Variants in FGD4 observed in about 807,000 individuals in gnomAD.
FGD4 encodes the protein FYVE, RhoGEF and PH domain-containing protein 4.
In FGD4, 42 loss-of-function variants were observed where a neutral mutation model predicts 102.0. The observed-to-expected ratio is 0.41, with a 90% CI of 0.32 to 0.53. The LOEUF (loss-of-function observed/expected upper bound fraction) is 0.53. FGD4 is among the 20% of genes least tolerant of loss of function. The pLI is 0.21. For synonymous variants in FGD4, 380 were observed against 375.7 expected, an observed-to-expected ratio of 1.01 and a Z score of -0.13; for missense variants, 902 against 1,078.2, an observed-to-expected ratio of 0.84 and a Z score of 2.29.
At chr12:32,619,564 A>G (rs1179650084) in intron 10 of FGD4, 134 bp from the exon 11 acceptor site, 4 of 961,148 alleles carry the variant, frequency 4.2e-6, no homozygotes, top group African/African-American at 3.2e-5. Context: ...CCCGGGAGGC[A>G]GAGCTTACAA....
At chr12:32,532,219 T>G (rs780100236) in intron 1 of FGD4, among the ~76,000 whole-genome samples, 1 of 152,208 alleles carries the variant, frequency 6.6e-6, no homozygotes, top group Non-Finnish European at 1.5e-5. Context: ...AACAATATAC[T>G]GTAATAAAGA....
intron 2 of FGD4, among the ~76,000 whole-genome samples, chr12:32,569,957 G>A (rs1447776468): frequency 6.6e-6 from 1 of 151,936 alleles, no homozygotes; most frequent in South Asian, 2.1e-4. Flanking sequence ...TAAAATTCTG[G>A]TCAAGCTGGG....
chr12:32,564,410 T>C, intron 2 of FGD4, 121 bp downstream of exon 2: 1 of 1,243,620 alleles, frequency 8.0e-7, no homozygotes, highest in Non-Finnish European at 1.1e-6. Context: ...GGGTACATTA[T>C]TTTTTAGAGA....
At chr12:32,449,934 A>T (rs760775083) in intron 1 of FGD4, among the ~76,000 whole-genome samples, 22 of 150,518 alleles carry the variant, frequency 1.5e-4, no homozygotes, top group Non-Finnish European at 2.5e-4. Context: ...TTTTTATTTT[A>T]TTTATTTTAT....
At chr12:32,473,749 G>A (rs922079279) in intron 1 of FGD4, among the ~76,000 whole-genome samples, 1 of 152,130 alleles carries the variant, frequency 6.6e-6, no homozygotes, top group East Asian at 1.9e-4. Flanking sequence ...TAATGGTAAG[G>A]CAGGGACAGG....
chr12:32,420,216 G>C (rs534887612), intron 1 of FGD4, among the ~76,000 whole-genome samples: 2 of 152,224 alleles, frequency 1.3e-5, no homozygotes, highest in East Asian at 3.9e-4. Flanking sequence ...GTATTTTGGG[G>C]TATTGTTTTC....
chr12:32,564,219 T>C lies in FGD4; in HGVS notation c.249T>C (p.Ser83=). 1 of 1,536,118 alleles carries C rather than the reference T, an allele frequency of 6.5e-7. No homozygotes were observed. The highest frequency in any genetic ancestry group is 8.7e-7 in the Non-Finnish European group (1 of 1,146,900). The change falls in exon 2 of 17, where the codon TCT becomes TCC. Residue 83 remains serine (S), a synonymous_variant. Coordinates refer to ENST00000534526, the MANE Select transcript of FGD4 (RefSeq NM_001370298.3). ...STTTLVGENV[S]EEEAQGINGN... ...CCACACTGGTTGGTGAGAATGTATC[T>C]GAAGAAGAGGCTCAGGGAATAAATG...
At position 32,633,678 on chromosome 12, in the gene FGD4, G is replaced by T. The variant is rs1341048943; in HGVS notation, c.2302G>T (p.Gly768Ter). 1.3e-6 allele frequency: 2 copies of T among 1,598,870 alleles called. No homozygotes were observed. The highest frequency in any genetic ancestry group is 1.7e-6 in the Non-Finnish European group (2 of 1,166,924). ...FTDSEEKKRKGILEIESAEVS... is the reference protein window; with the variant it reads ...FTDSEEKKRK ...AGACAGTGAAGAAAAGAAAAGAAAAGGAATTTTAGAGGTAAGAAATATTAA... is the reference window on the plus strand; with the variant it reads ...AGACAGTGAAGAAAAGAAAAGAAAATGAATTTTAGAGGTAAGAAATATTAA... The change falls in exon 15 of 17, where the codon GGA becomes TGA. Residue 768 changes from glycine (G) to a stop codon, truncating the protein, a stop_gained. Transcript: ENST00000534526. LOFTEE classifies it high-confidence loss of function.
At chr12:32,554,488 G>A (rs541838314) in intron 1 of FGD4, among the ~76,000 whole-genome samples, 1 of 152,300 alleles carries the variant, frequency 6.6e-6, no homozygotes, top group South Asian at 2.1e-4. Flanking sequence ...AATACATATT[G>A]AGCATCTACC....
intron 1 of FGD4, chr12:32,477,287 C>CAA (rs754686282): frequency 0.089 from 10,840 of 121,442 alleles, 494 homozygotes; most frequent in Non-Finnish European, 0.13. Context: ...GACTCCGTCT[C>CAA]AAAAAAAAAA....
At chr12:32,518,757 A>T (rs1940169148) in intron 1 of FGD4, among the ~76,000 whole-genome samples, 1 of 152,054 alleles carries the variant, frequency 6.6e-6, no homozygotes, top group African/African-American at 2.4e-5. Flanking sequence ...TAAGCTATTT[A>T]ATGGCACGAT....
At chr12:32,563,966 G>C (rs934248714) in intron 1 of FGD4, among the ~76,000 whole-genome samples, 171 bp from the exon 2 acceptor site, 3 of 149,208 alleles carry the variant, frequency 2.0e-5, no homozygotes, top group Admixed American at 6.8e-5. Flanking sequence ...GTCCAGCTTC[G>C]GCTCGGCATC....
intron 1 of FGD4, among the ~76,000 whole-genome samples, chr12:32,493,275 G>T (rs956475972): frequency 1.3e-5 from 2 of 152,174 alleles, no homozygotes; most frequent in Admixed American, 1.3e-4. Flanking sequence ...TTCCAGTTTT[G>T]CTAAGAATGG....
chr12:32,548,405 T>A (rs1181379983), intron 1 of FGD4, among the ~76,000 whole-genome samples: 3 of 152,140 alleles, frequency 2.0e-5, no homozygotes, highest in Non-Finnish European at 4.4e-5. Flanking sequence ...TATTCTGAGA[T>A]CTTATGATAC....
intron 1 of FGD4, among the ~76,000 whole-genome samples, chr12:32,406,311 T>C (rs1346584350): frequency 1.3e-5 from 2 of 151,714 alleles, no homozygotes; most frequent in African/African-American, 4.8e-5. Context: ...TCCAGCACTT[T>C]GGGAGGCAGA....
chr12:32,519,677 C>T (rs903483156), intron 1 of FGD4, among the ~76,000 whole-genome samples: 1 of 152,026 alleles, frequency 6.6e-6, no homozygotes, highest in East Asian at 1.9e-4. Flanking sequence ...GTGGCTCACT[C>T]TTGTAATCCG....
chr12:32,493,954 C>A (rs1171381897), intron 1 of FGD4, among the ~76,000 whole-genome samples: 4 of 152,150 alleles, frequency 2.6e-5, no homozygotes, highest in African/African-American at 9.7e-5. Context: ...ACTGTAGAAA[C>A]AAGAGGAAGA....
At chr12:32,604,131 G>A (rs1948614175) in intron 7 of FGD4, among the ~76,000 whole-genome samples, 2 of 152,274 alleles carry the variant, frequency 1.3e-5, no homozygotes, top group East Asian at 3.9e-4. Context: ...CTTTCAAGAT[G>A]TTCTCTGTTT....
In FGD4 at chr12:32,479,172, T is replaced by A. The variant is rs538137650; in HGVS notation, c.166+79213T>A. Among the ~76,000 whole-genome samples, 5 of 152,330 alleles carry A rather than the reference T, an allele frequency of 3.3e-5. No individual in the cohort carries two copies. The East Asian group carries it at 9.6e-4, about 29-fold the overall frequency. ...CTTCACAATTTTTCACAGTCAGATT[T>A]GAAAGCTGAATGTAGTTTTCTGAAG... On this transcript the variant is annotated intron_variant, in intron 1 of 16. Coordinates refer to ENST00000534526, the MANE Select transcript of FGD4 (RefSeq NM_001370298.3).
Sources: allele counts gnomAD v4.1 joint callset (sites outside exome capture counted in the v4.1 genomes callset), GRCh38; gene constraint gnomAD v4.1.1; transcripts MANE v1.5; gene names NCBI Gene and HGNC (gene_info 2026-07-23, HGNC 2026-07-21).